The following AGGF1 variants were observed in gnomAD, a reference collection of about 807,000 sequenced individuals.
AGGF1 encodes the protein angiogenic factor with G-patch and FHA domains 1.
A neutral mutation model predicts 86.5 loss-of-function variants in AGGF1; 56 were observed. The observed-to-expected ratio is 0.65, with a 90% CI of 0.52 to 0.81. The LOEUF (loss-of-function observed/expected upper bound fraction) is 0.81, where lower values mean the gene tolerates loss of function less well. Ranked by LOEUF, AGGF1 falls within the 30% of genes least tolerant of loss-of-function variation. AGGF1 has a pLI of 0.00. For synonymous variants in AGGF1, 313 were observed against 297.1 expected, an observed-to-expected ratio of 1.05 and a Z score of -0.55; for missense variants, 816 against 850.9, an observed-to-expected ratio of 0.96 and a Z score of 0.51.
Position 77,030,973 on chromosome 5 carries a change from G to A in AGGF1, c.207G>A (p.Thr69=), listed in dbSNP as rs201624558. 4.0e-5 allele frequency: 64 copies of A among 1,611,748 alleles called. No individual in the cohort carries two copies. The African/African-American group carries it at 8.1e-4, about 20-fold the overall frequency. ...NAESNNQELR[T]QVEELSKILQ... ...AAAGCAACAACCAGGAGCTCCGCAC[G>A]CAGGTGCGCGGTCCTCCTCAGCCCC... The change falls in exon 1 of 14, where the codon ACG becomes ACA. Residue 69 remains threonine (T), a synonymous_variant. Transcript: ENST00000312916.
chr5:77,032,343 G>A (rs1254255218), intron 1 of AGGF1, among the ~76,000 whole-genome samples: 3 of 151,146 alleles, frequency 2.0e-5, no homozygotes, highest in Admixed American at 1.3e-4. Context: ...CGAGGCGGGC[G>A]AATCACGAGG....
At chr5:77,035,407 T>G in intron 2 of AGGF1, 134 bp from the exon 3 acceptor site, 1 of 696,804 alleles carries the variant, frequency 1.4e-6, no homozygotes, top group Non-Finnish European at 2.4e-6. Context: ...CTTTTAAAAT[T>G]TGTACAGTTG....
chr5:77,043,623 G>C (rs1327908520), intron 5 of AGGF1, among the ~76,000 whole-genome samples: 5 of 118,750 alleles, frequency 4.2e-5, no homozygotes, highest in African/African-American at 1.2e-4. Context: ...TGGCCGGGCG[G>C]GGGGGCTGAC....
rs1015176490 is a variant in AGGF1 at position 77,064,169 on chromosome 5, T to A, written c.*917T>A. Reference sequence around the variant, plus strand: ...TTTTCAAGCAGCCAGAATTTTCTAGTTTAAATTGGCAGAGTTATAACAAAG... The same window carrying A: ...TTTTCAAGCAGCCAGAATTTTCTAGATTAAATTGGCAGAGTTATAACAAAG... On this transcript the variant is annotated 3_prime_UTR_variant, in exon 14 of 14. Transcript: ENST00000312916. The A allele has an allele frequency of 1.3e-5, 2 of 152,626 alleles. No homozygotes were observed. Among genetic ancestry groups the A allele is most frequent in the Non-Finnish European group, 2.9e-5 (2 of 68,028 alleles). The allele number at this position is 152,626 out of a possible 1,614,324, so 9.5% of individuals were successfully genotyped here.
At chr5:77,031,117 G>A (rs1408282927) in intron 1 of AGGF1, 141 bp downstream of exon 1, 1 of 909,848 alleles carries the variant, frequency 1.1e-6, no homozygotes, top group Non-Finnish European at 1.7e-6. Flanking sequence ...GCTCAGCGCA[G>A]TTACAATTCC....
Position 77,056,226 on chromosome 5 carries a change from C to CTTTT in AGGF1, c.1716+647_1716+650dup, listed in dbSNP as rs770417117. On this transcript the variant is annotated intron_variant, in intron 11 of 13. Coordinates refer to ENST00000312916, the MANE Select transcript of AGGF1 (RefSeq NM_018046.5). ...GGCAGTTTGGTGGAGAAAGAGTGGT[C>CTTTT]TTTTTTTTTTTTTTTTTTTTGAGAC... Among the ~76,000 whole-genome samples the CTTTT allele has an allele frequency of 2.2e-4, 23 of 104,498 alleles. 1 individual carries two copies. Among genetic ancestry groups the CTTTT allele is most frequent in the African/African-American group, 5.5e-4 (15 of 27,518 alleles). 68.6% of individuals were successfully genotyped at this position (104,498 alleles called of 152,430 possible).
intron 12 of AGGF1, among the ~76,000 whole-genome samples, chr5:77,060,485 G>A (rs1486045266): frequency 6.6e-6 from 1 of 152,040 alleles, no homozygotes; most frequent in African/African-American, 2.4e-5. Context: ...TCTTGGCAAA[G>A]TAGTCTGGAT....
chr5:77,041,862 G>A (rs1478013056), intron 5 of AGGF1, among the ~76,000 whole-genome samples: 1 of 147,418 alleles, frequency 6.8e-6, no homozygotes. Flanking sequence ...TCTCACAGAG[G>A]GGGATTTGGC....
rs1188091909 is a variant in AGGF1, at chr5:77,030,938, C to T, written c.172C>T (p.Gln58Ter). The T allele has an allele frequency of 6.2e-7, 1 of 1,613,018 alleles. No individual in the cohort carries two copies. The highest frequency in any genetic ancestry group is 8.5e-7 in the Non-Finnish European group (1 of 1,180,008). Reference protein sequence around the residue: ...KLLHHTERLYQNAESNNQELR... With the variant: ...KLLHHTERLY ...GCTGCATCACACAGAACGGCTGTAC[C>T]AGAACGCAGAAAGCAACAACCAGGA... is the stretch of plus-strand genomic sequence containing the variant. The change falls in exon 1 of 14, where the codon CAG becomes TAG. Residue 58 changes from glutamine to a stop codon, truncating the protein, a stop_gained. Coordinates refer to ENST00000312916, the MANE Select transcript of AGGF1 (RefSeq NM_018046.5). LOFTEE classifies it high-confidence loss of function.
In AGGF1 at chr5:77,062,531, A is replaced by G. The variant is rs556928663; in HGVS notation, c.1945-521A>G. ...AAAATGGGGATAAGAACTCTTTTTCAGGGTTGTCTTGAAGATAAAGCCCCT... is the reference window on the plus strand; with the variant it reads ...AAAATGGGGATAAGAACTCTTTTTCGGGGTTGTCTTGAAGATAAAGCCCCT... On this transcript the variant is annotated intron_variant, in intron 13 of 13. Coordinates refer to ENST00000312916, the MANE Select transcript of AGGF1 (RefSeq NM_018046.5). Among the ~76,000 whole-genome samples the G allele has an allele frequency of 7.2e-5, 11 of 152,274 alleles. No individual in the cohort carries two copies. The East Asian group carries it at 1.7e-3, about 24-fold the overall frequency.
rs1376354661 is a variant in AGGF1 at position 77,040,142 on chromosome 5, CT to C, written c.870+425del. The stretch of plus-strand genomic sequence containing the variant: ...TTTTTTTTTGAGACAGAGTTTCACT[CT>C]TGTTGCCCGGGCTGGAATGCAATGG... On this transcript the variant is annotated intron_variant, in intron 5 of 13. Transcript: ENST00000312916. 3.4e-5 allele frequency among the ~76,000 whole-genome samples: 5 copies of C among 146,228 alleles called. No individual in the cohort carries two copies. In the Admixed American group the frequency reaches 3.4e-4, roughly 10 times the overall value.
chr5:77,049,109 T>G (rs1001771940), intron 8 of AGGF1, 122 bp downstream of exon 8: 13 of 857,318 alleles, frequency 1.5e-5, no homozygotes, highest in Non-Finnish European at 2.5e-5. Context: ...GTAGTAATGG[T>G]AATAAAGGCA....
In AGGF1 at chr5:77,030,815, TC is replaced by T. The variant is rs1561282104; in HGVS notation, c.54del (p.Glu19SerfsTer7). 1 of 1,606,330 alleles carries T rather than the reference TC, an allele frequency of 6.2e-7. No homozygotes were observed. On this transcript the variant is annotated frameshift_variant, in exon 1 of 14. Transcript: ENST00000312916. LOFTEE classifies it high-confidence loss of function. ...GCCGCGGTCGCCGCCGCCGCCCACCTCCCCCGAGCCTGAGCTGGCCCAGCTA... is the reference window on the plus strand; with the variant it reads ...GCCGCGGTCGCCGCCGCCGCCCACCTCCCCGAGCCTGAGCTGGCCCAGCTA... ...SPPRSPPPPT[S>X]PEPELAQLRR...
intron 9 of AGGF1, 51 bp downstream of exon 9, chr5:77,052,858 T>G: frequency 7.0e-7 from 1 of 1,421,872 alleles, no homozygotes; most frequent in Middle Eastern, 1.8e-4. Context: ...TTAAACTGAT[T>G]TTTTTTTATT....
Position 77,054,125 on chromosome 5 carries a change from C to T in AGGF1, c.1628C>T (p.Ser543Phe), listed in dbSNP as rs1416391694. Residue 543 changes from serine (S) to phenylalanine (F), a missense_variant, in exon 10 of 14, where the codon TCT becomes TTT. By Grantham distance (155) the Ser-to-Phe change is radical. Transcript: ENST00000312916. ...AHLRLDKKDE[S>F]FVGPTLSKEE... Reference sequence around the variant, plus strand: ...CTTCGCCTTGATAAGAAAGATGAATCTTTTGGTATGTGAAACAGATTAAAT... The same window carrying T: ...CTTCGCCTTGATAAGAAAGATGAATTTTTTGGTATGTGAAACAGATTAAAT... 6.2e-7 allele frequency: 1 copy of T among 1,614,102 alleles called. No homozygotes were observed. Among genetic ancestry groups the T allele is most frequent in the East Asian group, 2.2e-5 (1 of 44,866 alleles).
Position 77,059,730 on chromosome 5 carries a change from G to A in AGGF1, c.1831G>A (p.Ala611Thr), listed in dbSNP as rs1484766450. The A allele has an allele frequency of 1.2e-6, 2 of 1,613,632 alleles. No individual in the cohort carries two copies. The highest frequency in any genetic ancestry group is 1.7e-6 in the Non-Finnish European group (2 of 1,179,726). Reference sequence around the variant, plus strand: ...AACTTTCCAAAGAGATGATGCTCCTGCATCTGTTCATTCGTAAGTTTTGAA... The same window carrying A: ...AACTTTCCAAAGAGATGATGCTCCTACATCTGTTCATTCGTAAGTTTTGAA... ...EGTFQRDDAP[A>T]SVHSEITDSN... Residue 611 changes from alanine to threonine, a missense_variant, in exon 12 of 14, where the codon GCA becomes ACA. Physicochemically the swap from Ala to Thr is moderately conservative, Grantham distance 58. This residue lies in a region of AGGF1 where 565 missense variants were observed against 585.8 expected (regional missense o/e 0.96). Transcript: ENST00000312916.
intron 4 of AGGF1, among the ~76,000 whole-genome samples, chr5:77,037,916 A>G (rs1746993787): frequency 6.6e-6 from 1 of 152,216 alleles, no homozygotes; most frequent in Admixed American, 6.5e-5. Flanking sequence ...ATAGCTGTTG[A>G]AGTCTAATAA....
chr5:77,056,744 A>G (rs1046346015), intron 11 of AGGF1, among the ~76,000 whole-genome samples: 2 of 152,212 alleles, frequency 1.3e-5, no homozygotes, highest in African/African-American at 4.8e-5. Context: ...ACAATCCTTA[A>G]GAACAAATTG....
chr5:77,056,908 TTAATAA>T (rs201998188), intron 11 of AGGF1, among the ~76,000 whole-genome samples: 4,627 of 152,080 alleles, frequency 0.03, 134 homozygotes, highest in African/African-American at 0.076. Context: ...CTTTCAAAAC[TTAATAA>T]TAAGAAAACA....
Sources: allele counts gnomAD v4.1 joint callset (sites outside exome capture counted in the v4.1 genomes callset), GRCh38; gene constraint gnomAD v4.1.1; regional missense constraint gnomAD v4.1.1; transcripts MANE v1.5; gene names NCBI Gene and HGNC (gene_info 2026-07-23, HGNC 2026-07-21).